Variants in TTC6 observed in about 807,000 individuals in gnomAD.
TTC6 encodes the protein tetratricopeptide repeat domain 6, also known as tetratricopeptide repeat protein 6.
Under a neutral mutation model 210.4 loss-of-function variants are expected in TTC6, and 172 were observed. The observed-to-expected ratio is 0.82, with a 90% CI of 0.72 to 0.93. The LOEUF is 0.93. Ranked by LOEUF, TTC6 falls within the 40% of genes least tolerant of loss-of-function variation. The probability of loss-of-function intolerance (pLI) is 0.00; values close to 1 mark genes in which losing one functional copy is unlikely to be tolerated. For missense variants in TTC6, 2,414 were observed against 2,318.1 expected, an observed-to-expected ratio of 1.04 and a Z score of -0.85; for synonymous variants, 804 against 819.6, an observed-to-expected ratio of 0.98 and a Z score of 0.32.
At chr14:37,630,907 G>GTGTT (rs2095668293) in intron 1 of TTC6, among the ~76,000 whole-genome samples, 1 of 33,064 alleles carries the variant, frequency 3.0e-5, no homozygotes. Flanking sequence ...GGCAACCCCT[G>GTGTT]TTTTTTTTTT....
intron 14 of TTC6, among the ~76,000 whole-genome samples, chr14:37,779,770 G>A (rs1359983020): frequency 6.6e-6 from 1 of 152,080 alleles, no homozygotes; most frequent in African/African-American, 2.4e-5. Context: ...TTGCAGGAAG[G>A]GATCAAATTA....
intron 14 of TTC6, among the ~76,000 whole-genome samples, chr14:37,786,252 C>T (rs2096067347): frequency 6.6e-6 from 1 of 152,178 alleles, no homozygotes; most frequent in South Asian, 2.1e-4. Context: ...GGCAGGCCTC[C>T]TTGAGCTGTG....
chr14:37,757,745 C>T (rs1242006824), intron 14 of TTC6, among the ~76,000 whole-genome samples: 1 of 151,970 alleles, frequency 6.6e-6, no homozygotes, highest in Non-Finnish European at 1.5e-5. Flanking sequence ...TTTGTTTGCT[C>T]TTGCTTCTCC....
At chr14:37,821,033 TCTTCTTCTTCTTCTTCTTC>T (rs995821552) in intron 26 of TTC6, among the ~76,000 whole-genome samples, 1 of 146,738 alleles carries the variant, frequency 6.8e-6, no homozygotes, top group African/African-American at 2.5e-5. Context: ...CTCTTCTTCT[TCTTCTTCTTCTTCTTCTTC>T]CTTCTTCTTT....
rs562688452 is a variant in TTC6, at chr14:37,781,931, G to T, written c.3267-5537G>T. 2.0e-4 allele frequency among the ~76,000 whole-genome samples: 31 copies of T among 152,216 alleles called. No individual in the cohort carries two copies. In the South Asian group the frequency reaches 6.4e-3, roughly 32 times the overall value. On this transcript the variant is annotated intron_variant, in intron 14 of 30. Transcript: ENST00000553443. ...TTGACAGGTTTGTCAAAGATCAGAT[G>T]GTTGTAGGAGTGTGGTATTATTTCT...
At chr14:37,742,237 A>G (rs1038354812) in intron 10 of TTC6, among the ~76,000 whole-genome samples, 4 of 151,956 alleles carry the variant, frequency 2.6e-5, no homozygotes, top group Non-Finnish European at 5.9e-5. Context: ...GTCTTAACTC[A>G]CTTGACCTGC....
chr14:37,770,894 A>G (rs529309145), intron 14 of TTC6, among the ~76,000 whole-genome samples: 2 of 146,282 alleles, frequency 1.4e-5, no homozygotes, highest in African/African-American at 5.0e-5. Context: ...GTTTCTTCCT[A>G]GTCTCGATGG....
chr14:37,662,600 G>A (rs2095739668), intron 1 of TTC6, among the ~76,000 whole-genome samples: 1 of 152,096 alleles, frequency 6.6e-6, no homozygotes, highest in African/African-American at 2.4e-5. Flanking sequence ...TGAAAGGAAG[G>A]GGTCCAGCTT....
intron 14 of TTC6, among the ~76,000 whole-genome samples, chr14:37,753,624 A>G (rs532525639): frequency 1.3e-5 from 2 of 152,262 alleles, no homozygotes; most frequent in East Asian, 3.9e-4. Context: ...TCTACGGTGC[A>G]GTGACGCAGT....
intron 4 of TTC6, among the ~76,000 whole-genome samples, chr14:37,700,419 T>G (rs1195884741): frequency 6.6e-6 from 1 of 152,122 alleles, no homozygotes; most frequent in Non-Finnish European, 1.5e-5. Flanking sequence ...TATTTGTTGA[T>G]TGGATTACAG....
chr14:37,610,734 T>A (rs193058180), intron 2 of TTC6, among the ~76,000 whole-genome samples: 1 of 152,352 alleles, frequency 6.6e-6, no homozygotes, highest in East Asian at 1.9e-4. Context: ...TCTGGACTTT[T>A]ATGGTTATCA....
At chr14:37,749,306 G>T (rs898432164) in exon 11 of TTC6, 2 of 1,521,394 alleles carry the variant, frequency 1.3e-6, no homozygotes, top group Admixed American at 2.0e-5. Context: ...AGAAATAAAT[G>T]ATAAGACAAA....
intron 2 of TTC6, among the ~76,000 whole-genome samples, chr14:37,680,850 G>A (rs2095781896): frequency 6.6e-6 from 1 of 152,086 alleles, no homozygotes; most frequent in African/African-American, 2.4e-5. Flanking sequence ...TTCATAAAAT[G>A]TTACCATTAA....
intron 24 of TTC6, among the ~76,000 whole-genome samples, chr14:37,810,968 A>G (rs1269061510): frequency 6.6e-6 from 1 of 152,160 alleles, no homozygotes; most frequent in East Asian, 1.9e-4. Context: ...TTAACACCCC[A>G]ATTTTGCAGA....
chr14:37,827,452 C>A, intron 29 of TTC6, 86 bp downstream of exon 31: 4 of 1,306,284 alleles, frequency 3.1e-6, no homozygotes, highest in Non-Finnish European at 4.2e-6. Context: ...TTCATACAAT[C>A]TCAGGCTAAT....
upstream of TTC6, among the ~76,000 whole-genome samples, chr14:37,620,250 A>C (rs966062987): frequency 6.6e-6 from 1 of 152,230 alleles, no homozygotes; most frequent in African/African-American, 2.4e-5. Flanking sequence ...CTCTTGCAGA[A>C]TCCTATTAGA....
At chr14:37,648,943 G>A (rs190470424) in intron 1 of TTC6, among the ~76,000 whole-genome samples, 5 of 151,986 alleles carry the variant, frequency 3.3e-5, no homozygotes, top group African/African-American at 9.7e-5. Flanking sequence ...ATCTCAGTTT[G>A]TAAACAGAGA....
At chr14:37,705,882 G>A (rs1268965306) in intron 5 of TTC6, among the ~76,000 whole-genome samples, 1 of 152,120 alleles carries the variant, frequency 6.6e-6, no homozygotes, top group African/African-American at 2.4e-5. Flanking sequence ...GGGAAAGAAT[G>A]TTTTAGATCT....
At chr14:37,805,437 A>ACACACC (rs2096116139) in intron 21 of TTC6, among the ~76,000 whole-genome samples, 1 of 151,730 alleles carries the variant, frequency 6.6e-6, no homozygotes, top group Non-Finnish European at 1.5e-5. Flanking sequence ...ACACACACAC[A>ACACACC]CACACACACA....
Sources: allele counts gnomAD v4.1 joint callset (sites outside exome capture counted in the v4.1 genomes callset), GRCh38; gene constraint gnomAD v4.1.1; transcripts MANE v1.5; gene names NCBI Gene and HGNC (gene_info 2026-07-23, HGNC 2026-07-21).